LMCD1: variants seen among roughly 807,000 people sequenced by gnomAD.
The protein encoded by LMCD1 is LIM and cysteine-rich domains protein 1.
A neutral mutation model predicts 42.7 loss-of-function variants in LMCD1; 32 were observed. The observed-to-expected ratio is 0.75, with a 90% CI of 0.57 to 1.01. The LOEUF (loss-of-function observed/expected upper bound fraction) is 1.01. LMCD1 is among the 50% of genes least tolerant of loss of function. LMCD1 has a pLI of 0.00. For synonymous variants in LMCD1, 178 were observed against 184.9 expected, an observed-to-expected ratio of 0.96 and a Z score of 0.30; for missense variants, 458 against 483.1, an observed-to-expected ratio of 0.95 and a Z score of 0.49.
At chr3:8,512,023 A>T (rs1464248015) in intron 1 of LMCD1, among the ~76,000 whole-genome samples, 1 of 152,252 alleles carries the variant, frequency 6.6e-6, no homozygotes, top group Non-Finnish European at 1.5e-5. Context: ...ACACACACGT[A>T]TGTGCACACA....
chr3:8,562,780 C>T (rs939598297), intron 4 of LMCD1, among the ~76,000 whole-genome samples: 2 of 152,152 alleles, frequency 1.3e-5, no homozygotes, highest in Non-Finnish European at 2.9e-5. Flanking sequence ...TTATTTTCTG[C>T]CTCCACACAC....
At chr3:8,537,748 T>G (rs142231855) in intron 3 of LMCD1, among the ~76,000 whole-genome samples, 2 of 152,304 alleles carry the variant, frequency 1.3e-5, no homozygotes, top group Non-Finnish European at 2.9e-5. Flanking sequence ...GGAGATAGTT[T>G]ATCACTCAAA....
intron 3 of LMCD1, 150 bp downstream of exon 3, chr3:8,537,590 T>C: frequency 1.2e-6 from 1 of 814,764 alleles, no homozygotes; most frequent in South Asian, 2.2e-5. Context: ...TGCCCTTATA[T>C]CATGTGATGT....
intron 3 of LMCD1, among the ~76,000 whole-genome samples, chr3:8,545,001 A>T (rs1255280976): frequency 6.6e-6 from 1 of 152,222 alleles, no homozygotes; most frequent in Admixed American, 6.5e-5. Context: ...ATAAAAACAA[A>T]TATATAAATG....
chr3:8,520,324 T>C (rs73130035), intron 1 of LMCD1, among the ~76,000 whole-genome samples: 7,066 of 152,164 alleles, frequency 0.046, 294 homozygotes, highest in African/African-American at 0.1. Flanking sequence ...TAGGGAGGTA[T>C]AATAAGTAGG....
At chr3:8,561,649 C>T (rs1196997479) in intron 4 of LMCD1, among the ~76,000 whole-genome samples, 2 of 152,230 alleles carry the variant, frequency 1.3e-5, no homozygotes, top group Non-Finnish European at 2.9e-5. Context: ...TGCCTCCCAT[C>T]AGCTGTGCAT....
chr3:8,531,326 C>G (rs1279250267), intron 1 of LMCD1, among the ~76,000 whole-genome samples: 1 of 152,192 alleles, frequency 6.6e-6, no homozygotes, highest in Non-Finnish European at 1.5e-5. Flanking sequence ...CCATCTTGCA[C>G]AGCCCAAATC....
At chr3:8,517,092 T>C (rs2125014231) in intron 1 of LMCD1, among the ~76,000 whole-genome samples, 1 of 152,320 alleles carries the variant, frequency 6.6e-6, no homozygotes, top group East Asian at 1.9e-4. Flanking sequence ...GTGAATGAAA[T>C]GTGGGCAATT....
chr3:8,549,651 A>T (rs1279899368), intron 4 of LMCD1, among the ~76,000 whole-genome samples: 1 of 152,076 alleles, frequency 6.6e-6, no homozygotes, highest in Non-Finnish European at 1.5e-5. Context: ...GTCTTAGTAC[A>T]TTTTCTGTTA....
intron 1 of LMCD1, among the ~76,000 whole-genome samples, chr3:8,505,981 T>C (rs1407346426): frequency 2.6e-5 from 4 of 152,242 alleles, no homozygotes; most frequent in African/African-American, 4.8e-5. Context: ...GACATGCCCA[T>C]AGGTGTATAA....
In LMCD1 at chr3:8,569,193, C is replaced by T. The variant is rs1353769382; in HGVS notation, c.*1595C>T. ...CTTATGTCTTTCTGGCCTTGGAGCC[C>T]TTTATTTCCCTAGATTTCTAGTTCC... On this transcript the variant is annotated 3_prime_UTR_variant, in exon 6 of 6. Coordinates refer to ENST00000157600, the MANE Select transcript of LMCD1 (RefSeq NM_014583.4). The T allele has an allele frequency of 1.3e-5, 2 of 152,194 alleles. No individual in the cohort carries two copies. Among genetic ancestry groups the T allele is most frequent in the Non-Finnish European group, 2.9e-5 (2 of 68,042 alleles). 9.4% of individuals were successfully genotyped at this position (152,194 alleles called of 1,614,324 possible). A position where few individuals can be genotyped will look rare whatever the true frequency, so the allele number is the denominator to read the frequency against.
At chr3:8,566,675 G>A (rs971211693) in intron 5 of LMCD1, among the ~76,000 whole-genome samples, 1 of 152,200 alleles carries the variant, frequency 6.6e-6, no homozygotes, top group Non-Finnish European at 1.5e-5. Context: ...TTTAGGGAGA[G>A]ATAAGCATGA....
chr3:8,555,178 C>T (rs572793245), intron 4 of LMCD1, among the ~76,000 whole-genome samples: 2 of 147,048 alleles, frequency 1.4e-5, no homozygotes, highest in African/African-American at 4.9e-5. Flanking sequence ...AGGCCTCCGT[C>T]CCCTCCCTCC....
At chr3:8,512,330 G>T (rs1442073217) in intron 1 of LMCD1, among the ~76,000 whole-genome samples, 3 of 152,216 alleles carry the variant, frequency 2.0e-5, no homozygotes, top group African/African-American at 7.2e-5. Context: ...CCTTCTTGCT[G>T]TATTCTAGAG....
In LMCD1 at chr3:8,551,176, A is replaced by T. The variant is rs138372792; in HGVS notation, c.723+2273A>T. On this transcript the variant is annotated intron_variant, in intron 4 of 5. Coordinates refer to ENST00000157600, the MANE Select transcript of LMCD1 (RefSeq NM_014583.4). Reference sequence around the variant, plus strand: ...ACTTTAATTATTATGTAATTAGTGAATCGATGTCTGTCACCGTCTGTAGAT... The same window carrying T: ...ACTTTAATTATTATGTAATTAGTGATTCGATGTCTGTCACCGTCTGTAGAT... The T allele has an allele frequency of 9.3e-5, 92 of 985,426 alleles. 1 individual carries two copies. In the African/African-American group the frequency reaches 1.5e-3, roughly 16 times the overall value. 61.0% of individuals were successfully genotyped at this position (985,426 alleles called of 1,614,324 possible).
intron 2 of LMCD1, 137 bp downstream of exon 2, chr3:8,532,962 A>C (rs1238952466): frequency 2.8e-6 from 2 of 713,200 alleles, no homozygotes; most frequent in Non-Finnish European, 4.9e-6. Context: ...GAGGGAAGGC[A>C]CTCCTGCTTG....
In LMCD1 at chr3:8,570,136, G is replaced by C. The variant is rs1695189122; in HGVS notation, c.*2538G>C. ...TTGCTGGTGTTGGAGATACAGTGGT[G>C]AACATGGCCCATGGATGGAACTGAA... On this transcript the variant is annotated 3_prime_UTR_variant, in exon 6 of 6. Coordinates refer to ENST00000157600, the MANE Select transcript of LMCD1 (RefSeq NM_014583.4). 6.6e-6 allele frequency: 1 copy of C among 152,532 alleles called. No homozygotes were observed. The highest frequency in any genetic ancestry group is 1.5e-5 in the Non-Finnish European group (1 of 68,290). The allele number at this position is 152,532 out of a possible 1,614,324, so 9.4% of individuals were successfully genotyped here.
At chr3:8,525,581 C>T (rs1363546775) in intron 1 of LMCD1, among the ~76,000 whole-genome samples, 1 of 152,092 alleles carries the variant, frequency 6.6e-6, no homozygotes, top group African/African-American at 2.4e-5. Flanking sequence ...GGATGTATAT[C>T]CAGATGTGGG....
chr3:8,513,349 A>C (rs923179643), intron 1 of LMCD1, among the ~76,000 whole-genome samples: 1 of 152,064 alleles, frequency 6.6e-6, no homozygotes, highest in Non-Finnish European at 1.5e-5. Context: ...TTGTCTGGGG[A>C]TCCATCTTGT....
Sources: allele counts gnomAD v4.1 joint callset (sites outside exome capture counted in the v4.1 genomes callset), GRCh38; gene constraint gnomAD v4.1.1; transcripts MANE v1.5; gene names NCBI Gene and HGNC (gene_info 2026-07-23, HGNC 2026-07-21).